Variants in ADAMTS6 observed in about 807,000 individuals in gnomAD.
The protein encoded by ADAMTS6 is A disintegrin and metalloproteinase with thrombospondin motifs 6.
In ADAMTS6, 23 loss-of-function variants were observed where a neutral mutation model predicts 144.3. That is an observed-to-expected ratio of 0.16 (90% CI 0.11 to 0.23). The LOEUF (loss-of-function observed/expected upper bound fraction) is 0.23. Ranked by LOEUF, ADAMTS6 falls within the 10% of genes least tolerant of loss-of-function variation. ADAMTS6 has a pLI of 1.00. For missense variants in ADAMTS6, 999 were observed against 1,379.6 expected, an observed-to-expected ratio of 0.72 and a Z score of 4.37; for synonymous variants, 444 against 457.5, an observed-to-expected ratio of 0.97 and a Z score of 0.38.
chr5:65,196,764 TATG>T (rs1304037233), intron 21 of ADAMTS6, among the ~76,000 whole-genome samples: 2 of 152,010 alleles, frequency 1.3e-5, no homozygotes, highest in African/African-American at 4.8e-5. Context: ...ATTGATGAAA[TATG>T]ATCATTTCCA....
chr5:65,247,609 C>T (rs1044941443), intron 14 of ADAMTS6, among the ~76,000 whole-genome samples: 1 of 152,118 alleles, frequency 6.6e-6, no homozygotes, highest in African/African-American at 2.4e-5. Context: ...AATGATGTAT[C>T]ATTTCTTATT....
At chr5:65,242,978 A>G (rs963178647) in intron 14 of ADAMTS6, among the ~76,000 whole-genome samples, 3 of 152,226 alleles carry the variant, frequency 2.0e-5, no homozygotes, top group Middle Eastern at 3.4e-3. Flanking sequence ...CTGCCAATCC[A>G]GCTAGCTCTA....
chr5:65,337,327 T>C (rs1747399505), intron 7 of ADAMTS6, among the ~76,000 whole-genome samples: 4 of 152,184 alleles, frequency 2.6e-5, no homozygotes, highest in Non-Finnish European at 1.5e-5. Flanking sequence ...TTTTAGTTTA[T>C]TATTTACATA....
chr5:65,282,196 T>C (rs894833611), intron 11 of ADAMTS6, among the ~76,000 whole-genome samples: 3 of 152,158 alleles, frequency 2.0e-5, no homozygotes, highest in Non-Finnish European at 4.4e-5. Context: ...CAGGAGATCC[T>C]AAGAACATAT....
chr5:65,401,743 C>T (rs114359014), intron 7 of ADAMTS6, among the ~76,000 whole-genome samples: 2 of 152,262 alleles, frequency 1.3e-5, no homozygotes, highest in Non-Finnish European at 2.9e-5. Flanking sequence ...GTCCTGTGAT[C>T]TCACTTCTCT....
chr5:65,293,575 C>T (rs1298541515), intron 10 of ADAMTS6, among the ~76,000 whole-genome samples: 1 of 151,942 alleles, frequency 6.6e-6, no homozygotes, highest in Admixed American at 6.6e-5. Context: ...AAATTCTTTT[C>T]TGATGGCAAA....
At chr5:65,215,078 C>G (rs1465293447) in intron 19 of ADAMTS6, 146 bp from the exon 20 acceptor site, 8 of 1,167,850 alleles carry the variant, frequency 6.9e-6, no homozygotes, top group Non-Finnish European at 7.1e-6. Flanking sequence ...CAAATTTTCT[C>G]CTCCCATTTT....
At position 65,214,448 on chromosome 5, in the gene ADAMTS6, C is replaced by T. The variant is rs189535732; in HGVS notation, c.2575+346G>A. 1 of 366,498 alleles carries T rather than the reference C, an allele frequency of 2.7e-6. No homozygotes were observed. Among genetic ancestry groups the T allele is most frequent in the Non-Finnish European group, 5.2e-6 (1 of 190,522 alleles). The allele number at this position is 366,498 out of a possible 1,614,324, so 22.7% of individuals were successfully genotyped here. Reference sequence around the variant, plus strand: ...TTACAAGAAGTTGCATCTGTGATGTCTGATTCTTGCTCATTTTCTTTTTTA... The same window carrying T: ...TTACAAGAAGTTGCATCTGTGATGTTTGATTCTTGCTCATTTTCTTTTTTA... On this transcript the variant is annotated intron_variant, in intron 20 of 24. Transcript: ENST00000381055. The surrounding 1 kb of genome is among the most constrained non-coding windows in gnomAD (Gnocchi z 4.6).
At chr5:65,314,096 T>C (rs1580367532) in intron 9 of ADAMTS6, among the ~76,000 whole-genome samples, 2 of 152,180 alleles carry the variant, frequency 1.3e-5, no homozygotes, top group African/African-American at 2.4e-5. Context: ...CTATGATTAA[T>C]ATGTTAACAG....
intron 7 of ADAMTS6, among the ~76,000 whole-genome samples, chr5:65,400,406 G>A (rs2150162755): frequency 6.6e-6 from 1 of 152,212 alleles, no homozygotes; most frequent in East Asian, 1.9e-4. Flanking sequence ...GTAGAAACCA[G>A]GGTGTTGCTT....
rs141240910 is a variant in ADAMTS6, at chr5:65,232,866, A to C, written c.1934-6647T>G. 4.6e-3 allele frequency among the ~76,000 whole-genome samples: 702 copies of C among 152,268 alleles called. 9 individuals carry two copies. Among genetic ancestry groups the C allele is most frequent in the African/African-American group, 0.016 (682 of 41,582 alleles). On this transcript the variant is annotated intron_variant, in intron 15 of 24. Coordinates refer to ENST00000381055, the MANE Select transcript of ADAMTS6 (RefSeq NM_197941.4). ...CATTTTATGAGGGCAGCATTACCCT[A>C]ATAACAAGCCAGACAAAGATACTAA...
At chr5:65,451,409 A>G (rs1580738395) in intron 7 of ADAMTS6, 66 bp downstream of exon 7, 3 of 1,594,622 alleles carry the variant, frequency 1.9e-6, no homozygotes, top group East Asian at 4.5e-5. Flanking sequence ...TTTACATAGA[A>G]CCAAATTTAT....
intron 22 of ADAMTS6, among the ~76,000 whole-genome samples, chr5:65,187,630 T>A (rs150718242): frequency 6.6e-6 from 1 of 152,326 alleles, no homozygotes; most frequent in East Asian, 1.9e-4. Flanking sequence ...ATTCTAGGTC[T>A]TCAATAACTT....
At chr5:65,250,024 A>G (rs1479884278) in intron 14 of ADAMTS6, among the ~76,000 whole-genome samples, 1 of 152,210 alleles carries the variant, frequency 6.6e-6, no homozygotes, top group African/African-American at 2.4e-5. Flanking sequence ...TAAGAGCACT[A>G]GATAGAAATT....
chr5:65,317,611 G>C (rs949375315), intron 9 of ADAMTS6, among the ~76,000 whole-genome samples: 1 of 152,092 alleles, frequency 6.6e-6, no homozygotes, highest in African/African-American at 2.4e-5. Context: ...AATCAACAAA[G>C]TGAAGAGACA....
At chr5:65,338,147 G>GA (rs1159758572) in intron 7 of ADAMTS6, among the ~76,000 whole-genome samples, 1 of 152,172 alleles carries the variant, frequency 6.6e-6, no homozygotes, top group African/African-American at 2.4e-5. Flanking sequence ...AATTTGGATA[G>GA]AAAAATAGCA....
intron 7 of ADAMTS6, among the ~76,000 whole-genome samples, chr5:65,447,425 A>G (rs1176608335): frequency 6.6e-6 from 1 of 152,166 alleles, no homozygotes; most frequent in Non-Finnish European, 1.5e-5. Context: ...CAATGTTGAG[A>G]TATATCTAAA....
intron 7 of ADAMTS6, among the ~76,000 whole-genome samples, chr5:65,377,375 A>G (rs1022846006): frequency 4.6e-5 from 7 of 152,160 alleles, no homozygotes; most frequent in African/African-American, 1.7e-4. Context: ...ATATTCTTGA[A>G]TAAAAAGTTA....
chr5:65,427,614 T>C (rs1756653332), intron 7 of ADAMTS6, among the ~76,000 whole-genome samples: 1 of 151,842 alleles, frequency 6.6e-6, no homozygotes, highest in Non-Finnish European at 1.5e-5. Flanking sequence ...GTGGCTAACA[T>C]GGTGAAACCC....
Sources: gnomAD v4.1 joint callset for allele counts (sites outside exome capture counted in the v4.1 genomes callset) on GRCh38, gnomAD v4.1.1 for gene constraint, Gnocchi (gnomAD v3.1) non-coding constraint, MANE v1.5 for transcripts, NCBI Gene and HGNC (gene_info 2026-07-23, HGNC 2026-07-21) for gene names.